The following PRTG variants were observed in gnomAD, a reference collection of about 807,000 sequenced individuals.
PRTG encodes the protein immunoglobulin superfamily, DCC subclass, member 5.
A neutral mutation model predicts 122.5 loss-of-function variants in PRTG; 67 were observed. The observed-to-expected ratio is 0.55, with a 90% CI of 0.45 to 0.67. PRTG has a LOEUF of 0.67. Ranked by LOEUF, PRTG falls within the 30% of genes least tolerant of loss-of-function variation. PRTG has a pLI of 0.00. For missense variants in PRTG, 1,435 were observed against 1,415.4 expected (o/e 1.01, Z -0.22); for synonymous variants, 554 against 501.1 (o/e 1.11, Z -1.41).
At chr15:55,636,684 G>A (rs542584813) in intron 15 of PRTG, among the ~76,000 whole-genome samples, 3 of 151,362 alleles carry the variant, frequency 2.0e-5, no homozygotes, top group African/African-American at 7.3e-5. Context: ...TCTTGTTCTT[G>A]TTGCCCAGGC....
chr15:55,659,142 T>C (rs1440671407), intron 11 of PRTG, among the ~76,000 whole-genome samples: 1 of 152,202 alleles, frequency 6.6e-6, no homozygotes, highest in Non-Finnish European at 1.5e-5. Context: ...GGCCTCCTCT[T>C]ACAGCAGCCC....
At chr15:55,698,415 C>T (rs2059643403) in intron 2 of PRTG, among the ~76,000 whole-genome samples, 1 of 152,072 alleles carries the variant, frequency 6.6e-6, no homozygotes, top group South Asian at 2.1e-4. Context: ...CTTAGCCTTC[C>T]CAGTAGCTGG....
chr15:55,693,521 A>T (rs1347313226), intron 2 of PRTG, among the ~76,000 whole-genome samples: 1 of 152,122 alleles, frequency 6.6e-6, no homozygotes, highest in Non-Finnish European at 1.5e-5. Flanking sequence ...ACCAGGAATA[A>T]AAGCCAGTAC....
chr15:55,719,444 A>G (rs2030727732), intron 2 of PRTG, among the ~76,000 whole-genome samples: 1 of 152,236 alleles, frequency 6.6e-6, no homozygotes, highest in South Asian at 2.1e-4. Context: ...CTTTAATGAG[A>G]AAAGAATGAA....
Position 55,672,629 on chromosome 15 carries a change from A to G in PRTG, c.1857T>C (p.Pro619=). The change falls in exon 11 of 20, where the codon CCT becomes CCC. Residue 619 remains proline (P), a synonymous_variant. Transcript: ENST00000389286. ...GCTCCAAATGCAACTCTGGAGACTT[A>G]GGGGCTAGCAAAATTCATCAGAAAA... The part of the protein sequence containing the change: ...RTPKATSVKA[P]KSPELHLEPL... The G allele has an allele frequency of 6.2e-7, 1 of 1,610,624 alleles. No homozygotes were observed. The highest frequency in any genetic ancestry group is 1.1e-5 in the South Asian group (1 of 90,370).
intron 11 of PRTG, among the ~76,000 whole-genome samples, chr15:55,665,021 G>A (rs1595630892): frequency 6.6e-6 from 1 of 152,024 alleles, no homozygotes; most frequent in Non-Finnish European, 1.5e-5. Flanking sequence ...CACTTTGGGA[G>A]GCCGAGGCGG....
chr15:55,739,815 G>A (rs2031552803), intron 2 of PRTG, among the ~76,000 whole-genome samples: 1 of 152,126 alleles, frequency 6.6e-6, no homozygotes, highest in South Asian at 2.1e-4. Flanking sequence ...GGCATAATAT[G>A]GAAATGGCCT....
At chr15:55,658,176 T>C (rs902046165) in intron 11 of PRTG, among the ~76,000 whole-genome samples, 2 of 152,222 alleles carry the variant, frequency 1.3e-5, no homozygotes, top group African/African-American at 4.8e-5. Flanking sequence ...ATATTCAAAT[T>C]GTATGAATGT....
intron 11 of PRTG, chr15:55,655,745 T>G (rs1053506705): frequency 2.6e-5 from 4 of 152,342 alleles, no homozygotes; most frequent in African/African-American, 9.6e-5. Context: ...TAGTATATAC[T>G]GACTGATACA....
intron 11 of PRTG, among the ~76,000 whole-genome samples, chr15:55,663,653 C>T (rs981859083): frequency 4.0e-5 from 6 of 151,344 alleles, no homozygotes; most frequent in Non-Finnish European, 7.4e-5. Context: ...GTGATTCTCC[C>T]GCCTCAGCCT....
In PRTG at chr15:55,612,901, T is replaced by A. The variant is rs1474249054; in HGVS notation, c.*7111A>T. The A allele has an allele frequency of 6.6e-6, 1 of 151,738 alleles. No homozygotes were observed. The highest frequency in any genetic ancestry group is 1.5e-5 in the Non-Finnish European group (1 of 67,900). The allele number at this position is 151,738 out of a possible 1,614,324, so 9.4% of individuals were successfully genotyped here. A position where few individuals can be genotyped will look rare whatever the true frequency, so the allele number is the denominator to read the frequency against. On this transcript the variant is annotated 3_prime_UTR_variant, in exon 20 of 20. Transcript: ENST00000389286. Reference sequence around the variant, plus strand: ...CACTTTCTTCTATTGGTTTTGTGTATGCGTACGGGAGATGCAAACATTTTT... The same window carrying A: ...CACTTTCTTCTATTGGTTTTGTGTAAGCGTACGGGAGATGCAAACATTTTT...
At position 55,624,480 on chromosome 15, in the gene PRTG, C is replaced by A. The variant is rs902621674; in HGVS notation, c.2955G>T (p.Gln985His). Residue 985 changes from glutamine (Q) to histidine (H), a missense_variant, in exon 18 of 20, where the codon CAG (glutamine) becomes CAT (histidine). Coordinates refer to ENST00000389286, the MANE Select transcript of PRTG (RefSeq NM_173814.6). ...TACGAGGTAACTGTTGAGTTCCATT[C>A]TGTGCCGTCTTGGAAGCAGATGATT... ...ARKSSASKTA[Q>H]NGTQQLPRTS... 11 of 1,612,974 alleles carry A rather than the reference C, an allele frequency of 6.8e-6. No individual in the cohort carries two copies. The African/African-American group carries it at 1.5e-4, about 22-fold the overall frequency.
At chr15:55,661,895 T>TA (rs11351086) in intron 11 of PRTG, among the ~76,000 whole-genome samples, 40 of 147,564 alleles carry the variant, frequency 2.7e-4, no homozygotes, top group South Asian at 1.1e-3. Context: ...GCTTAATACT[T>TA]AAAAAAAAAA....
chr15:55,721,890 G>A (rs1451137960), intron 2 of PRTG, among the ~76,000 whole-genome samples: 3 of 152,116 alleles, frequency 2.0e-5, no homozygotes, highest in African/African-American at 7.2e-5. Flanking sequence ...ATATGATGGG[G>A]GAAACCACCC....
At chr15:55,739,936 A>G (rs2031555663) in intron 2 of PRTG, among the ~76,000 whole-genome samples, 1 of 152,250 alleles carries the variant, frequency 6.6e-6, no homozygotes, top group Admixed American at 6.5e-5. Context: ...ATCTAAAAGC[A>G]GTCAGAGAAA....
At chr15:55,622,986 T>C (rs546609445) in intron 18 of PRTG, among the ~76,000 whole-genome samples, 4 of 152,234 alleles carry the variant, frequency 2.6e-5, no homozygotes, top group Non-Finnish European at 4.4e-5. Context: ...TATTCATTTA[T>C]TCATATTTAC....
intron 2 of PRTG, among the ~76,000 whole-genome samples, chr15:55,696,465 A>C (rs1237666945): frequency 6.6e-6 from 1 of 152,210 alleles, no homozygotes; most frequent in Non-Finnish European, 1.5e-5. Context: ...ATTCACTCTG[A>C]GGCTTCCTAC....
chr15:55,665,836 T>G (rs2059436553), intron 11 of PRTG, among the ~76,000 whole-genome samples: 1 of 152,286 alleles, frequency 6.6e-6, no homozygotes, highest in Admixed American at 6.5e-5. Flanking sequence ...ATTACAGACA[T>G]GAGATTATAT....
chr15:55,683,717 T>C, intron 3 of PRTG, 70 bp downstream of exon 3: 3 of 1,300,526 alleles, frequency 2.3e-6, no homozygotes, highest in Non-Finnish European at 3.2e-6. Context: ...ATGGTGTTTC[T>C]CCCTATATAA....
Sources: gnomAD v4.1 joint callset for allele counts (sites outside exome capture counted in the v4.1 genomes callset) on GRCh38, gnomAD v4.1.1 for gene constraint, MANE v1.5 for transcripts, NCBI Gene and HGNC (gene_info 2026-07-23, HGNC 2026-07-21) for gene names.